The following ANKRD17 variants were observed in gnomAD, a reference collection of about 807,000 sequenced individuals.
ANKRD17 encodes the protein ankyrin repeat domain 17.
ANKRD17 carries 19 observed loss-of-function variants against 229.7 expected under a neutral mutation model. That is an observed-to-expected ratio of 0.08 (90% confidence interval 0.06 to 0.12). ANKRD17 has a LOEUF of 0.12. ANKRD17 is among the 10% of genes least tolerant of loss of function. The probability of loss-of-function intolerance (pLI) is 1.00; values close to 1 mark genes in which losing one functional copy is unlikely to be tolerated. For missense variants in ANKRD17, 2,176 were observed against 3,176.8 expected, an observed-to-expected ratio of 0.68 and a Z score of 7.57; for synonymous variants, 1,112 against 1,146.1, an observed-to-expected ratio of 0.97 and a Z score of 0.60.
At chr4:73,216,176 C>A (rs991240548) in intron 1 of ANKRD17, among the ~76,000 whole-genome samples, 1 of 151,920 alleles carries the variant, frequency 6.6e-6, no homozygotes, top group Admixed American at 6.6e-5. Context: ...TAAAACAATG[C>A]CACTCTCACA....
chr4:73,123,844 G>A (rs912617128), intron 18 of ANKRD17, among the ~76,000 whole-genome samples: 2 of 151,820 alleles, frequency 1.3e-5, no homozygotes, highest in Non-Finnish European at 1.5e-5. Flanking sequence ...CAAATGGGAG[G>A]TAACAGTTCC....
intron 1 of ANKRD17, among the ~76,000 whole-genome samples, chr4:73,250,541 A>C (rs1473192883): frequency 7.5e-6 from 1 of 133,772 alleles, no homozygotes; most frequent in Non-Finnish European, 1.6e-5. Context: ...TGGAGGTTGC[A>C]GTGAGCCGAG....
At chr4:73,152,095 T>C (rs1731068529) in intron 6 of ANKRD17, among the ~76,000 whole-genome samples, 2 of 152,054 alleles carry the variant, frequency 1.3e-5, no homozygotes, top group African/African-American at 4.8e-5. Context: ...ATAAACCATA[T>C]GCTTCAGTTC....
chr4:73,183,187 T>A (rs575372936), intron 1 of ANKRD17, among the ~76,000 whole-genome samples: 35 of 152,278 alleles, frequency 2.3e-4, no homozygotes, highest in African/African-American at 7.2e-4. Context: ...AGCAAAATAA[T>A]AGGTCTTACT....
chr4:73,183,540 G>A (rs1483613151), intron 1 of ANKRD17, among the ~76,000 whole-genome samples: 1 of 151,944 alleles, frequency 6.6e-6, no homozygotes, highest in African/African-American at 2.4e-5. Flanking sequence ...TGCAGCCTCT[G>A]GCCTCCTGGG....
At position 73,092,099 on chromosome 4, in the gene ANKRD17, T is replaced by C; in HGVS notation, c.5529A>G (p.Ser1843=). 2.5e-6 allele frequency: 4 copies of C among 1,614,226 alleles called. No individual in the cohort carries two copies. The highest frequency in any genetic ancestry group is 3.4e-6 in the Non-Finnish European group (4 of 1,180,042). Residue 1843 remains serine, a synonymous_variant, in exon 29 of 34, where the codon TCA becomes TCG. Coordinates refer to ENST00000358602, the MANE Select transcript of ANKRD17 (RefSeq NM_032217.5). ...GTGCTGTGGCAGTTTGAGATGTTGA[T>C]GACAGAGCTACAGTTGTCATTTTAA... ...MGIKMTTVAL[S]STSQTATALT... is the part of the protein sequence containing the mutation.
intron 1 of ANKRD17, among the ~76,000 whole-genome samples, chr4:73,210,985 T>C (rs1170680006): frequency 6.6e-6 from 1 of 152,134 alleles, no homozygotes; most frequent in African/African-American, 2.4e-5. Context: ...TACCTTTGTA[T>C]TTTTATTTTT....
chr4:73,258,158 G>T, intron 1 of ANKRD17, 118 bp downstream of exon 1: 1 of 1,519,390 alleles, frequency 6.6e-7, no homozygotes, highest in South Asian at 1.3e-5. Flanking sequence ...GCAGTCGAAA[G>T]CCTGGCCCCT....
At chr4:73,235,886 T>C (rs1743459697) in intron 1 of ANKRD17, among the ~76,000 whole-genome samples, 1 of 152,070 alleles carries the variant, frequency 6.6e-6, no homozygotes, top group Non-Finnish European at 1.5e-5. Context: ...TTGGTTTTAA[T>C]AGAGACAGGG....
chr4:73,100,553 A>G (rs1325841588), intron 25 of ANKRD17, among the ~76,000 whole-genome samples: 2 of 151,930 alleles, frequency 1.3e-5, no homozygotes. Context: ...TATATTACGT[A>G]TTATTATGTA....
intron 1 of ANKRD17, among the ~76,000 whole-genome samples, chr4:73,249,850 C>T (rs1049972793): frequency 6.6e-6 from 1 of 151,674 alleles, no homozygotes; most frequent in Non-Finnish European, 1.5e-5. Context: ...AGCGAGACTT[C>T]GTCTCAAAAA....
At chr4:73,104,294 T>A (rs1383742008) in intron 24 of ANKRD17, among the ~76,000 whole-genome samples, 2 of 152,106 alleles carry the variant, frequency 1.3e-5, no homozygotes, top group African/African-American at 4.8e-5. Context: ...GAGTAATATC[T>A]GATTGGTGAG....
intron 1 of ANKRD17, among the ~76,000 whole-genome samples, chr4:73,231,895 G>A (rs370454551): frequency 4.6e-5 from 7 of 152,206 alleles, no homozygotes; most frequent in Middle Eastern, 3.2e-3. Context: ...GGCGTGAAGG[G>A]CTTTCAGAGA....
rs754523408 is a variant in ANKRD17 at position 73,141,766 on chromosome 4, G to A, written c.2307C>T (p.Ala769=). The part of the protein sequence containing the change: ...QEPDKPPANV[A]TTLPIRNKAA... ...CTTTATTCCTGATGGGAAGAGTGGT[G>A]GCAACATTGGCAGGTGGTTTGTCAG... Residue 769 remains alanine, a synonymous_variant, in exon 14 of 34, where the codon GCC becomes GCT. Transcript: ENST00000358602. 1.2e-6 allele frequency: 2 copies of A among 1,613,912 alleles called. No individual in the cohort carries two copies. The highest frequency in any genetic ancestry group is 1.7e-6 in the Non-Finnish European group (2 of 1,179,904).
At chr4:73,136,753 C>G (rs1728942743) in intron 15 of ANKRD17, among the ~76,000 whole-genome samples, 1 of 151,956 alleles carries the variant, frequency 6.6e-6, no homozygotes, top group East Asian at 1.9e-4. Context: ...AAATCTAGAG[C>G]TCTTTAAATT....
chr4:73,158,147 G>GAAAAA (rs1731946642), intron 3 of ANKRD17, among the ~76,000 whole-genome samples: 2 of 14,950 alleles, frequency 1.3e-4, no homozygotes, highest in Middle Eastern at 0.038. Flanking sequence ...AGAAAGAAAG[G>GAAAAA]AAGAAAAAGA....
intron 1 of ANKRD17, among the ~76,000 whole-genome samples, chr4:73,236,698 A>T (rs1044317558): frequency 6.6e-6 from 1 of 152,232 alleles, no homozygotes; most frequent in South Asian, 2.1e-4. Flanking sequence ...ATAGTATATA[A>T]GAATTAAATC....
intron 3 of ANKRD17, among the ~76,000 whole-genome samples, chr4:73,158,750 A>T (rs567364816): frequency 6.6e-6 from 1 of 152,336 alleles, no homozygotes; most frequent in East Asian, 1.9e-4. Context: ...TAAATGAACT[A>T]TTACTTATCA....
At chr4:73,200,326 G>A (rs151047937) in intron 1 of ANKRD17, among the ~76,000 whole-genome samples, 68 of 152,146 alleles carry the variant, frequency 4.5e-4, no homozygotes, top group African/African-American at 1.6e-3. Context: ...AATTGTCATC[G>A]GGGTACATAC....
Sources: gnomAD v4.1 joint callset for allele counts (sites outside exome capture counted in the v4.1 genomes callset) on GRCh38, gnomAD v4.1.1 for gene constraint, MANE v1.5 for transcripts, NCBI Gene and HGNC (gene_info 2026-07-23, HGNC 2026-07-21) for gene names.